Variants in FRMPD4 observed in about 807,000 individuals in gnomAD.
The protein encoded by FRMPD4 is FERM and PDZ domain containing 4.
In FRMPD4, 22 loss-of-function variants were observed where a neutral mutation model predicts 94.1. The observed-to-expected ratio is 0.23, with a 90% confidence interval of 0.17 to 0.33. FRMPD4 has a LOEUF of 0.33. FRMPD4 is among the 10% of genes least tolerant of loss of function. The probability of loss-of-function intolerance (pLI) is 1.00; values close to 1 mark genes in which losing one functional copy is unlikely to be tolerated. For synonymous variants in FRMPD4, 631 were observed against 548.6 expected (o/e 1.15, Z -2.10); for missense variants, 1,111 against 1,339.9 (o/e 0.83, Z 2.67).
intron 3 of FRMPD4, among the ~76,000 whole-genome samples, chrX:12,071,976 A>G (rs5935234): frequency 0.022 from 2,432 of 111,335 alleles, 14 homozygotes; most frequent in African/African-American, 0.039. Context: ...TCTCATTGGT[A>G]TCTATTTTTA....
intron 1 of FRMPD4, among the ~76,000 whole-genome samples, chrX:12,473,095 T>C (rs1312518112): frequency 1.8e-5 from 2 of 110,901 alleles, no homozygotes; most frequent in Non-Finnish European, 3.8e-5. Context: ...GGGAAGCCCA[T>C]CAGACTAACA....
intron 1 of FRMPD4, among the ~76,000 whole-genome samples, chrX:12,248,733 CAT>C (rs2053990549): frequency 8.9e-6 from 1 of 112,181 alleles, no homozygotes; most frequent in Admixed American, 9.4e-5. Context: ...TTTTCCTAGT[CAT>C]ATACATATAT....
chrX:12,672,901 ATG>A (rs1253123604), intron 4 of FRMPD4, among the ~76,000 whole-genome samples: 10 of 112,042 alleles, frequency 8.9e-5, no homozygotes, highest in African/African-American at 2.6e-4. Flanking sequence ...GAGATCATTT[ATG>A]TGAATGATTT....
At position 12,177,007 on chromosome X, in the gene FRMPD4, C is replaced by A. The variant is rs867457019; in HGVS notation, c.41+37995C>A. ...TTTTCTGTGGAATAAAAATAAAAAG[C>A]CATTATGAGTGGGTTATTTTTCATA... On this transcript the variant is annotated intron_variant, in intron 1 of 16. Coordinates refer to ENST00000675598, the MANE Select transcript of FRMPD4 (RefSeq NM_001368397.1). Among the ~76,000 whole-genome samples the A allele has an allele frequency of 1.6e-4, 18 of 111,658 alleles. No homozygotes were observed. The Middle Eastern group carries it at 0.023, about 143-fold the overall frequency.
intron 3 of FRMPD4, among the ~76,000 whole-genome samples, chrX:12,010,810 G>A (rs1297670771): frequency 1.8e-5 from 2 of 112,373 alleles, no homozygotes; most frequent in Non-Finnish European, 3.8e-5. Flanking sequence ...AAGTCTTCTA[G>A]GAGATTGTAG....
intron 1 of FRMPD4, among the ~76,000 whole-genome samples, chrX:11,846,327 C>A (rs7472884): frequency 9.7e-6 from 1 of 102,977 alleles, no homozygotes; most frequent in African/African-American, 3.5e-5. Flanking sequence ...TTACAAGGGA[C>A]GTGAAGGACC....
chrX:12,186,914 G>A (rs5979536), intron 1 of FRMPD4, among the ~76,000 whole-genome samples: 20,903 of 110,904 alleles, frequency 0.19, 2,775 homozygotes, highest in African/African-American at 0.48. Context: ...CTTATGTCTC[G>A]GCAAAAGCCA....
chrX:12,678,489 C>G (rs2059925131), intron 5 of FRMPD4, among the ~76,000 whole-genome samples: 1 of 112,075 alleles, frequency 8.9e-6, no homozygotes, highest in Admixed American at 9.4e-5. Flanking sequence ...GTTTCCAAGT[C>G]TAGAATTCCA....
intron 6 of FRMPD4, among the ~76,000 whole-genome samples, chrX:12,685,295 A>G (rs1230005619): frequency 8.9e-6 from 1 of 111,826 alleles, no homozygotes; most frequent in Non-Finnish European, 1.9e-5. Context: ...GACCAACTAC[A>G]TGTGAATAAC....
At chrX:12,442,393 T>C (rs761025189) in intron 1 of FRMPD4, among the ~76,000 whole-genome samples, 4 of 110,967 alleles carry the variant, frequency 3.6e-5, no homozygotes, top group Non-Finnish European at 5.7e-5. Flanking sequence ...CAGAGAAAAT[T>C]AACATCTAGG....
chrX:12,532,401 C>T (rs779992938), intron 2 of FRMPD4, among the ~76,000 whole-genome samples: 1 of 111,411 alleles, frequency 9.0e-6, no homozygotes, highest in African/African-American at 3.3e-5. Flanking sequence ...TTCAGAGAGT[C>T]CATGAAGTTG....
At chrX:11,969,231 G>T (rs1379062954) in intron 3 of FRMPD4, among the ~76,000 whole-genome samples, 1 of 112,586 alleles carries the variant, frequency 8.9e-6, no homozygotes, top group Non-Finnish European at 1.9e-5. Flanking sequence ...AGGAGGAGCT[G>T]CTTCTCAGCT....
chrX:12,389,492 AAAC>A lies in FRMPD4; in HGVS notation c.42-109170_42-109168del, dbSNP rs920077761. Among the ~76,000 whole-genome samples, 5 of 109,514 alleles carry A rather than the reference AAAC, an allele frequency of 4.6e-5. No homozygotes were observed. In the East Asian group the frequency reaches 8.5e-4, roughly 19 times the overall value. On this transcript the variant is annotated intron_variant, in intron 1 of 16. Transcript: ENST00000675598. ...CCATCTCAAAAAAAAAAACAAAACC[AAAC>A]AACAACAACAACAACAAAATTTGCT...
intron 1 of FRMPD4, among the ~76,000 whole-genome samples, chrX:12,455,215 G>A (rs2057320575): frequency 1.8e-5 from 2 of 111,219 alleles, no homozygotes; most frequent in Non-Finnish European, 3.8e-5. Context: ...AAAGCACCCT[G>A]TGCTTCTTCC....
chrX:12,492,245 T>C (rs1049366778), intron 1 of FRMPD4, among the ~76,000 whole-genome samples: 2 of 112,006 alleles, frequency 1.8e-5, no homozygotes, highest in African/African-American at 6.5e-5. Flanking sequence ...CTGAACTTTG[T>C]AAGTAGAAAC....
At chrX:12,070,717 C>G (rs745681644) in intron 3 of FRMPD4, among the ~76,000 whole-genome samples, 1 of 112,246 alleles carries the variant, frequency 8.9e-6, no homozygotes, top group Admixed American at 9.4e-5. Flanking sequence ...GTTCCAATGA[C>G]TGTGTGTCAG....
At chrX:12,033,545 A>G in intron 3 of FRMPD4, among the ~76,000 whole-genome samples, 1 of 111,492 alleles carries the variant, frequency 9.0e-6, no homozygotes, top group Non-Finnish European at 1.9e-5. Context: ...AATATGTGCT[A>G]GAGAGGCAAT....
intron 1 of FRMPD4, among the ~76,000 whole-genome samples, chrX:12,472,508 T>C (rs909214484): frequency 3.6e-5 from 4 of 111,549 alleles, no homozygotes; most frequent in African/African-American, 1.3e-4. Context: ...TGGGGTTTTC[T>C]CTCACAGAAT....
rs756174900 is a variant in FRMPD4, at chrX:11,834,247, A to G, written c.-161+11532A>G. 2.7e-5 allele frequency among the ~76,000 whole-genome samples: 3 copies of G among 111,897 alleles called. No individual in the cohort carries two copies. The East Asian group carries it at 8.5e-4, about 32-fold the overall frequency. ...CTCAACAAGCAATCTATCCATGTCAATAAGGTTTTCCAAGGACCCAGTTCA... is the reference window on the plus strand; with the variant it reads ...CTCAACAAGCAATCTATCCATGTCAGTAAGGTTTTCCAAGGACCCAGTTCA... On this transcript the variant is annotated intron_variant, in intron 1 of 18. Transcript: ENST00000640291.
Sources: gnomAD v4.1 joint callset for allele counts (sites outside exome capture counted in the v4.1 genomes callset) on GRCh38, gnomAD v4.1.1 for gene constraint, MANE v1.5 for transcripts, NCBI Gene and HGNC (gene_info 2026-07-23, HGNC 2026-07-21) for gene names.